Variants in LRRC63 observed in about 807,000 individuals in gnomAD.
LRRC63 encodes leucine rich repeat containing 63.
In LRRC63, 40 loss-of-function variants were observed where a neutral mutation model predicts 49.5. The ratio of observed to expected loss-of-function variants is 0.81; its 90% confidence interval spans 0.63 to 1.05. The LOEUF is 1.05. Among genes scored for constraint, LRRC63 ranks in the 50% least tolerant of loss-of-function variants. LRRC63 has a pLI of 0.00. For synonymous variants in LRRC63, 191 were observed against 221.1 expected (o/e 0.86, Z 1.21); for missense variants, 636 against 663.1 (o/e 0.96, Z 0.45).
intron 9 of LRRC63, among the ~76,000 whole-genome samples, chr13:46,272,760 G>A (rs944045985): frequency 1.3e-5 from 2 of 152,170 alleles, no homozygotes; most frequent in Non-Finnish European, 2.9e-5. Context: ...CTGTTAATAA[G>A]AATGAAGTAA....
At chr13:46,226,288 T>G (rs80324200) in intron 2 of LRRC63, among the ~76,000 whole-genome samples, 3,888 of 152,170 alleles carry the variant, frequency 0.026, 72 homozygotes, top group African/African-American at 0.049. Flanking sequence ...CTGGCCCTAC[T>G]CTCTTTCTCA....
At position 46,253,393 on chromosome 13, in the gene LRRC63, C is replaced by T. The variant is rs972631418; in HGVS notation, c.1226+2902C>T. ...CTTATGGGGCTTAGAATCCAGAGCA[C>T]GATACAGGAATTTTAATAAACACCA... On this transcript the variant is annotated intron_variant, in intron 7 of 9. Transcript: ENST00000595396. Among the ~76,000 whole-genome samples the T allele has an allele frequency of 8.1e-4, 122 of 150,862 alleles. 1 individual carries two copies. Among genetic ancestry groups the T allele is most frequent in the African/African-American group, 2.6e-3 (106 of 41,078 alleles).
intron 5 of LRRC63, among the ~76,000 whole-genome samples, chr13:46,245,344 G>A (rs1459057500): frequency 1.3e-5 from 2 of 152,110 alleles, no homozygotes; most frequent in Non-Finnish European, 2.9e-5. Context: ...AATAACTCCA[G>A]CGACTAACTT....
At chr13:46,274,073 G>A in intron 9 of LRRC63, among the ~76,000 whole-genome samples, 1 of 152,164 alleles carries the variant, frequency 6.6e-6, no homozygotes, top group East Asian at 1.9e-4. Context: ...GTATGTCACA[G>A]ATAGACTAGT....
At chr13:46,234,268 A>G in exon 5 of LRRC63, 1 of 1,550,322 alleles carries the variant, frequency 6.5e-7, no homozygotes, top group Non-Finnish European at 8.7e-7. Context: ...TTGCAGCAAC[A>G]CGATATGAAA....
In LRRC63 at chr13:46,269,468, G is replaced by GA. The variant is rs769491122; in HGVS notation, c.1550+2502dup. On this transcript the variant is annotated intron_variant, in intron 9 of 9. Transcript: ENST00000595396. ...GCTGAGACATTTAGTCATCCACAAG[G>GA]AAAAAACAATAAAATCAGATTCCAG... 1.1e-3 allele frequency among the ~76,000 whole-genome samples: 172 copies of GA among 151,918 alleles called. 2 individuals carry two copies. The highest frequency in any genetic ancestry group is 2.6e-3 in the Admixed American group (40 of 15,290).
At chr13:46,255,659 T>TAC (rs985012272) in intron 7 of LRRC63, among the ~76,000 whole-genome samples, 2 of 141,364 alleles carry the variant, frequency 1.4e-5, no homozygotes, top group African/African-American at 6.0e-5. Flanking sequence ...TATATATATA[T>TAC]ATATATAGTT....
At chr13:46,222,098 T>C (rs191692277) in intron 2 of LRRC63, among the ~76,000 whole-genome samples, 245 of 152,372 alleles carry the variant, frequency 1.6e-3, no homozygotes, top group Non-Finnish European at 3.0e-3. Context: ...TGTATTTCTC[T>C]AATGATTAGT....
intron 4 of LRRC63, among the ~76,000 whole-genome samples, chr13:46,233,822 TATTA>T (rs1323964939): frequency 2.0e-5 from 3 of 152,220 alleles, no homozygotes; most frequent in Admixed American, 1.3e-4. Context: ...TGATGTTGCT[TATTA>T]ATTTTATGAG....
intron 8 of LRRC63, 21 bp from the exon 9 acceptor site, chr13:46,266,712 T>C (rs1240276824): frequency 6.6e-7 from 1 of 1,511,584 alleles, no homozygotes; most frequent in East Asian, 2.5e-5. Context: ...CCTTTTAAAG[T>C]GTGGTTTCCT....
chr13:46,250,420 T>C, exon 7 of LRRC63: 1 of 1,531,898 alleles, frequency 6.5e-7, no homozygotes, highest in Non-Finnish European at 8.8e-7. Context: ...AAATTCCTTC[T>C]GAAATTCAAC....
In LRRC63 at chr13:46,270,336, G is replaced by C. The variant is rs745668074; in HGVS notation, c.1550+3364G>C. ...AACAAGGTCTCTGGGAAATTTAAGT[G>C]GGGGGCACAGTTTCTAACAGAACTT... On this transcript the variant is annotated intron_variant, in intron 9 of 9. Transcript: ENST00000595396. 4.6e-5 allele frequency: 40 copies of C among 862,490 alleles called. No homozygotes were observed. In the Middle Eastern group the frequency reaches 6.6e-4, roughly 14 times the overall value. The allele number at this position is 862,490 out of a possible 1,614,324, so 53.4% of individuals were successfully genotyped here.
intron 6 of LRRC63, among the ~76,000 whole-genome samples, chr13:46,249,543 C>T (rs1388502382): frequency 2.0e-5 from 3 of 151,628 alleles, no homozygotes; most frequent in Non-Finnish European, 4.4e-5. Flanking sequence ...GAACACATTC[C>T]TACAAAGACA....
At chr13:46,274,677 G>T (rs1209217438) in intron 9 of LRRC63, among the ~76,000 whole-genome samples, 1 of 152,090 alleles carries the variant, frequency 6.6e-6, no homozygotes, top group Non-Finnish European at 1.5e-5. Context: ...ACTTCCTTGA[G>T]CATAAGAATG....
intron 8 of LRRC63, among the ~76,000 whole-genome samples, chr13:46,264,151 A>G (rs2047651227): frequency 6.6e-6 from 1 of 152,116 alleles, no homozygotes; most frequent in Non-Finnish European, 1.5e-5. Context: ...TCTTGACTGG[A>G]AAGACTAAGA....
Position 46,241,630 on chromosome 13 carries a change from AAAAC to A in LRRC63, c.991-4890_991-4887del, listed in dbSNP as rs1265726231. The stretch of plus-strand genomic sequence containing the variant: ...GGAACTTAAACAAATTTACAAAAGA[AAAAC>A]AAACAACCCCATTAAAAAGTGGGCA... On this transcript the variant is annotated intron_variant, in intron 5 of 9. Coordinates refer to ENST00000595396, the Ensembl canonical transcript of LRRC63. Among the ~76,000 whole-genome samples, 5 of 152,218 alleles carry A rather than the reference AAAAC, an allele frequency of 3.3e-5. No individual in the cohort carries two copies. The South Asian group carries it at 6.2e-4, about 19-fold the overall frequency.
In LRRC63 at chr13:46,251,573, G is replaced by A. The variant is rs144483982; in HGVS notation, c.1226+1082G>A. Among the ~76,000 whole-genome samples, 1,117 of 151,844 alleles carry A rather than the reference G, an allele frequency of 7.4e-3. 11 individuals are homozygous for A. Among genetic ancestry groups the A allele is most frequent in the African/African-American group, 8.9e-3 (369 of 41,470 alleles). ...GTTTAAAAGCCAAGATCTGGGTGTTGGGTATCCTCATCACCATTAGGTTAT... is the reference window on the plus strand; with the variant it reads ...GTTTAAAAGCCAAGATCTGGGTGTTAGGTATCCTCATCACCATTAGGTTAT... On this transcript the variant is annotated intron_variant, in intron 7 of 9. Coordinates refer to ENST00000595396, the Ensembl canonical transcript of LRRC63.
intron 2 of LRRC63, 151 bp from the exon 3 acceptor site, chr13:46,227,361 C>A: frequency 1.8e-6 from 1 of 544,972 alleles, no homozygotes. Context: ...GTCATGTCAA[C>A]ACACATCCTG....
intron 7 of LRRC63, among the ~76,000 whole-genome samples, chr13:46,251,586 A>G (rs1356489532): frequency 2.0e-5 from 3 of 151,860 alleles, no homozygotes; most frequent in Non-Finnish European, 4.4e-5. Flanking sequence ...TATCCTCATC[A>G]CCATTAGGTT....
Sources: allele counts gnomAD v4.1 joint callset (sites outside exome capture counted in the v4.1 genomes callset), GRCh38; gene constraint gnomAD v4.1.1; transcripts MANE v1.5; gene names NCBI Gene and HGNC (gene_info 2026-07-23, HGNC 2026-07-21).